The following NAV2 variants were observed in gnomAD, a reference collection of about 807,000 sequenced individuals.
The protein encoded by NAV2 is neuron navigator 2.
In NAV2, 54 loss-of-function variants were observed where a neutral mutation model predicts 223.2. The observed-to-expected ratio is 0.24, with a 90% confidence interval of 0.19 to 0.30. The LOEUF (loss-of-function observed/expected upper bound fraction) is 0.30. Among genes scored for constraint, NAV2 ranks in the 10% least tolerant of loss-of-function variants. The probability of loss-of-function intolerance (pLI) is 1.00; values close to 1 mark genes in which losing one functional copy is unlikely to be tolerated. For synonymous variants in NAV2, 1,279 were observed against 1,239.3 expected (o/e 1.03, Z -0.67); for missense variants, 2,806 against 3,147.5 (o/e 0.89, Z 2.60).
intron 1 of NAV2, chr11:19,385,110 C>G (rs1848985806): frequency 6.6e-6 from 1 of 152,106 alleles, no homozygotes; most frequent in South Asian, 2.1e-4. Context: ...AGGTAAAATG[C>G]AATTTTAAAC....
intron 3 of NAV2, among the ~76,000 whole-genome samples, chr11:19,859,977 C>A (rs1318235652): frequency 7.9e-6 from 1 of 126,426 alleles, no homozygotes; most frequent in Non-Finnish European, 1.7e-5. Context: ...CCGGATGGGG[C>A]GGCTGGCCAG....
chr11:19,921,268 T>C (rs540610152), intron 6 of NAV2, among the ~76,000 whole-genome samples: 1 of 152,240 alleles, frequency 6.6e-6, no homozygotes, highest in Admixed American at 6.5e-5. Flanking sequence ...AATACAATCA[T>C]AGAGAGTGAA....
intron 1 of NAV2, among the ~76,000 whole-genome samples, chr11:19,539,120 C>A (rs1385371194): frequency 6.6e-6 from 1 of 152,192 alleles, no homozygotes; most frequent in Admixed American, 6.5e-5. Context: ...CCCAGGCAGC[C>A]TTGCCTCTGC....
chr11:19,922,817 A>C (rs898212507), intron 6 of NAV2, among the ~76,000 whole-genome samples: 3 of 152,168 alleles, frequency 2.0e-5, no homozygotes, highest in Non-Finnish European at 4.4e-5. Flanking sequence ...GGCTGTGTGC[A>C]GCAAAGCAAG....
chr11:19,426,468 G>C (rs143919963), intron 1 of NAV2, among the ~76,000 whole-genome samples: 1 of 152,022 alleles, frequency 6.6e-6, no homozygotes, highest in African/African-American at 2.4e-5. Flanking sequence ...AAAAATATTC[G>C]CCTTTTTGCT....
intron 1 of NAV2, among the ~76,000 whole-genome samples, chr11:19,681,584 T>C (rs980163997): frequency 6.6e-6 from 1 of 152,170 alleles, no homozygotes; most frequent in African/African-American, 2.4e-5. Context: ...AGGTGACCAG[T>C]CTGATGGGAT....
intron 1 of NAV2, among the ~76,000 whole-genome samples, chr11:19,391,097 C>T (rs187211991): frequency 2.0e-5 from 3 of 152,092 alleles, no homozygotes; most frequent in East Asian, 1.9e-4. Context: ...TGGGAGTCAC[C>T]GTACCCCAAA....
chr11:19,473,848 G>A (rs1019695684), intron 1 of NAV2, among the ~76,000 whole-genome samples: 6 of 152,282 alleles, frequency 3.9e-5, no homozygotes, highest in South Asian at 2.1e-4. Flanking sequence ...ATACTTGCCC[G>A]AAGTTTCAAG....
chr11:19,800,311 C>G (rs1291510406), intron 1 of NAV2, among the ~76,000 whole-genome samples: 2 of 152,184 alleles, frequency 1.3e-5, no homozygotes, highest in Non-Finnish European at 2.9e-5. Context: ...ACTTGGGGAG[C>G]AGCCCACAGT....
Position 19,636,521 on chromosome 11 carries a change from C to T in NAV2, c.76-195963C>T, listed in dbSNP as rs940313663. 6.1e-5 allele frequency among the ~76,000 whole-genome samples: 9 copies of T among 147,820 alleles called. No homozygotes were observed. The South Asian group carries it at 6.5e-4, about 11-fold the overall frequency. ...TTTTTTTTTTTTTGAGACGGAGTCT[C>T]GCTCTGTCGCCCAGGCTGGAGTGCA... On this transcript the variant is annotated intron_variant, in intron 1 of 37. Transcript: ENST00000360655.
chr11:19,628,059 T>C (rs1238663299), intron 1 of NAV2, among the ~76,000 whole-genome samples: 1 of 152,188 alleles, frequency 6.6e-6, no homozygotes, highest in Admixed American at 6.5e-5. Flanking sequence ...AGATGATGGC[T>C]ACTTTAATCA....
At chr11:19,414,530 G>A (rs1168022470) in intron 1 of NAV2, among the ~76,000 whole-genome samples, 1 of 152,154 alleles carries the variant, frequency 6.6e-6, no homozygotes, top group Non-Finnish European at 1.5e-5. Context: ...ATATTAGACA[G>A]ATCAATGAGA....
chr11:19,972,843 C>A (rs371361184), intron 10 of NAV2, among the ~76,000 whole-genome samples: 1 of 152,170 alleles, frequency 6.6e-6, no homozygotes, highest in Admixed American at 6.5e-5. Context: ...CTAGTGCCTG[C>A]CTCTCAGTAG....
At position 19,998,598 on chromosome 11, in the gene NAV2, C is replaced by T. The variant is rs143260920; in HGVS notation, c.2768+14351C>T. On this transcript the variant is annotated intron_variant, in intron 11 of 37. Transcript: ENST00000349880. The surrounding 1 kb of genome is among the most constrained non-coding windows in gnomAD (Gnocchi z 5.0). ...GCACCTCTCCAGCCTCACCTCATCA[C>T]GCTTTACCTCCCTGACTCCTGCCTT... 9.6e-3 allele frequency among the ~76,000 whole-genome samples: 1,459 copies of T among 152,270 alleles called. 18 individuals are homozygous for T. Among genetic ancestry groups the T allele is most frequent in the Non-Finnish European group, 0.015 (1,038 of 68,022 alleles).
At chr11:19,814,668 T>C (rs1193633640) in intron 1 of NAV2, among the ~76,000 whole-genome samples, 2 of 152,088 alleles carry the variant, frequency 1.3e-5, no homozygotes, top group African/African-American at 4.8e-5. Flanking sequence ...TCTCACTATG[T>C]TGCCCAGGCT....
intron 1 of NAV2, among the ~76,000 whole-genome samples, chr11:19,551,294 C>T (rs1469597812): frequency 2.0e-5 from 3 of 152,368 alleles, no homozygotes; most frequent in East Asian, 3.9e-4. Context: ...GCAAACAAGA[C>T]CATAAGTACA....
chr11:19,932,869 C>G (rs544775065), intron 6 of NAV2, among the ~76,000 whole-genome samples: 1 of 152,162 alleles, frequency 6.6e-6, no homozygotes, highest in Non-Finnish European at 1.5e-5. Context: ...ATTTCCTACT[C>G]TCTCCTGCAC....
At chr11:20,098,207 G>A (rs2061407754) in intron 31 of NAV2, among the ~76,000 whole-genome samples, 1 of 152,040 alleles carries the variant, frequency 6.6e-6, no homozygotes, top group Non-Finnish European at 1.5e-5. Flanking sequence ...TCATTACCTA[G>A]TGATATTAAG....
chr11:19,912,835 C>T (rs1189345799), intron 6 of NAV2, among the ~76,000 whole-genome samples: 3 of 152,180 alleles, frequency 2.0e-5, no homozygotes, highest in African/African-American at 7.2e-5. Flanking sequence ...CAGAGAGAAA[C>T]TAGATTGAAC....
Sources: gnomAD v4.1 joint callset for allele counts (sites outside exome capture counted in the v4.1 genomes callset) on GRCh38, gnomAD v4.1.1 for gene constraint, Gnocchi (gnomAD v3.1) non-coding constraint, MANE v1.5 for transcripts, NCBI Gene and HGNC (gene_info 2026-07-23, HGNC 2026-07-21) for gene names.